SV2C: variants seen among roughly 807,000 people sequenced by gnomAD.
SV2C encodes solute carrier family 22 member B3.
In SV2C, 49 loss-of-function variants were observed where a neutral mutation model predicts 79.7. The observed-to-expected ratio is 0.61, with a 90% CI of 0.49 to 0.78. SV2C has a LOEUF of 0.78. SV2C is among the 30% of genes least tolerant of loss of function. The pLI is 0.00. For missense variants in SV2C, 833 were observed against 912.9 expected, an observed-to-expected ratio of 0.91 and a Z score of 1.13; for synonymous variants, 334 against 333.2, an observed-to-expected ratio of 1.00 and a Z score of -0.03.
chr5:76,183,124 C>A (rs1166526060), intron 2 of SV2C, among the ~76,000 whole-genome samples: 1 of 150,622 alleles, frequency 6.6e-6, no homozygotes, highest in Non-Finnish European at 1.5e-5. Context: ...GCACCCTCCA[C>A]CTCCCAGGTT....
chr5:76,161,683 G>A (rs1205488337), intron 2 of SV2C, among the ~76,000 whole-genome samples: 1 of 152,052 alleles, frequency 6.6e-6, no homozygotes, highest in East Asian at 1.9e-4. Flanking sequence ...AAAATGGATT[G>A]TTTTAGCAGT....
In SV2C at chr5:76,319,382, C is replaced by A. The variant is rs566227332; in HGVS notation, c.2001-5982C>A. ...GCAGTGAGCCATGATCGCGCCACTG[C>A]ACTCCAGCCTGGGCCACAGAGCGAG... On this transcript the variant is annotated intron_variant, in intron 12 of 12. Transcript: ENST00000502798. Among the ~76,000 whole-genome samples, 4 of 152,106 alleles carry A rather than the reference C, an allele frequency of 2.6e-5. No individual in the cohort carries two copies. The South Asian group carries it at 8.3e-4, about 32-fold the overall frequency.
In SV2C at chr5:76,231,946, T is replaced by C. The variant is rs1310021361; in HGVS notation, c.913+22059T>C. On this transcript the variant is annotated intron_variant, in intron 4 of 12. Transcript: ENST00000502798. ...AGCATGATTTATAATCCTTTGGGTATATACCAAGTAATGGGATGGCTGAGT... is the reference window on the plus strand; with the variant it reads ...AGCATGATTTATAATCCTTTGGGTACATACCAAGTAATGGGATGGCTGAGT... Among the ~76,000 whole-genome samples, 8 of 144,174 alleles carry C rather than the reference T, an allele frequency of 5.5e-5. 1 individual carries two copies. Among genetic ancestry groups the C allele is most frequent in the Non-Finnish European group, 1.2e-4 (8 of 68,012 alleles). The allele number at this position is 144,174 out of a possible 152,430, so 94.6% of individuals were successfully genotyped here.
intron 2 of SV2C, among the ~76,000 whole-genome samples, chr5:76,137,094 C>T (rs934300534): frequency 1.3e-5 from 2 of 152,056 alleles, no homozygotes; most frequent in African/African-American, 2.4e-5. Flanking sequence ...CTCTGTGCCT[C>T]GGTTTTCATA....
Position 76,209,932 on chromosome 5 carries a change from C to T in SV2C, c.913+45C>T, listed in dbSNP as rs368550467. ...CCAGCTGGGCAGTCACTTCATTTTG[C>T]TTCAGGCTCCATTCCCATCTTCTTC... is the stretch of plus-strand genomic sequence containing the variant. On this transcript the variant is annotated intron_variant, in intron 4 of 12. Transcript: ENST00000502798. The T allele has an allele frequency of 1.2e-5, 19 of 1,563,716 alleles. No homozygotes were observed. The African/African-American group carries it at 2.3e-4, about 19-fold the overall frequency.
At chr5:75,957,929 C>A in the SV2C span, among the ~76,000 whole-genome samples, 3 of 151,944 alleles carry the variant, frequency 2.0e-5, no homozygotes, top group Non-Finnish European at 4.4e-5. Flanking sequence ...ACAGGACATA[C>A]CTCCCTTGGG....
chr5:75,871,398 A>G, the SV2C span, among the ~76,000 whole-genome samples: 6 of 152,194 alleles, frequency 3.9e-5, no homozygotes, highest in African/African-American at 1.4e-4. Flanking sequence ...AGAAGTATAA[A>G]TACTGGAAAA....
At chr5:75,865,182 G>T in the SV2C span, among the ~76,000 whole-genome samples, 1 of 152,230 alleles carries the variant, frequency 6.6e-6, no homozygotes, top group African/African-American at 2.4e-5. Context: ...GGAATTGCCT[G>T]TTATAAGCTG....
chr5:76,335,326 T>C (rs1749291592), downstream of SV2C, among the ~76,000 whole-genome samples: 1 of 151,974 alleles, frequency 6.6e-6, no homozygotes, highest in Admixed American at 6.6e-5. Flanking sequence ...CATCGCTCTA[T>C]ATAGATCTTA....
At chr5:76,067,207 G>A in the SV2C span, among the ~76,000 whole-genome samples, 5 of 151,858 alleles carry the variant, frequency 3.3e-5, no homozygotes, top group African/African-American at 9.7e-5. Flanking sequence ...CCTCCTTGGT[G>A]GTTTGCAATT....
chr5:76,140,102 GA>G (rs1455833368), intron 2 of SV2C, among the ~76,000 whole-genome samples: 1 of 152,118 alleles, frequency 6.6e-6, no homozygotes, highest in Non-Finnish European at 1.5e-5. Flanking sequence ...TACCAAGTCA[GA>G]CTACTTGGCA....
intron 4 of SV2C, among the ~76,000 whole-genome samples, chr5:76,283,656 C>A (rs1747261672): frequency 6.6e-6 from 1 of 152,124 alleles, no homozygotes; most frequent in Non-Finnish European, 1.5e-5. Context: ...CAATCATACA[C>A]CCTACAGTTT....
chr5:75,935,901 T>C, the SV2C span, among the ~76,000 whole-genome samples: 1 of 152,168 alleles, frequency 6.6e-6, no homozygotes, highest in African/African-American at 2.4e-5. Flanking sequence ...AAGTTACTGT[T>C]GTAATTTTAA....
chr5:76,030,281 T>TATTTA, the SV2C span, among the ~76,000 whole-genome samples: 32 of 113,380 alleles, frequency 2.8e-4, 1 homozygote, highest in South Asian at 7.9e-3. Flanking sequence ...TTTTTTTTTT[T>TATTTA]TTTTTTTTTT....
chr5:76,200,458 C>T (rs958728938), intron 3 of SV2C, among the ~76,000 whole-genome samples: 8 of 152,302 alleles, frequency 5.3e-5, no homozygotes, highest in Non-Finnish European at 1.0e-4. Context: ...TTTAAACTTG[C>T]AACTCTGTAA....
the SV2C span, among the ~76,000 whole-genome samples, chr5:76,073,525 A>G: frequency 7.1e-4 from 90 of 127,574 alleles, 1 homozygote; most frequent in African/African-American, 2.8e-3. Context: ...ATATATATAT[A>G]TATATATATA....
At chr5:76,111,842 A>G (rs10063621) in intron 1 of SV2C, among the ~76,000 whole-genome samples, 48,059 of 152,016 alleles carry the variant, frequency 0.32, 9,601 homozygotes, top group African/African-American at 0.55. Flanking sequence ...TCACCCTGAT[A>G]TTTGTCATCC....
the SV2C span, among the ~76,000 whole-genome samples, chr5:76,030,289 T>TTTTTTTTTTTTTTTTTTTTTTA: frequency 8.5e-6 from 1 of 117,874 alleles, no homozygotes; most frequent in Non-Finnish European, 1.7e-5. Context: ...TTTTTTTTTT[T>TTTTTTTTTTTTTTTTTTTTTTA]TTTATTTATT....
At chr5:75,880,914 G>A in the SV2C span, among the ~76,000 whole-genome samples, 9 of 152,194 alleles carry the variant, frequency 5.9e-5, no homozygotes, top group African/African-American at 1.2e-4. Context: ...TCTGCAAGAC[G>A]TAAAAGCACA....
Sources: allele counts gnomAD v4.1 joint callset (sites outside exome capture counted in the v4.1 genomes callset), GRCh38; gene constraint gnomAD v4.1.1; transcripts MANE v1.5; gene names NCBI Gene and HGNC (gene_info 2026-07-23, HGNC 2026-07-21).